GPR176: variants seen among roughly 807,000 people sequenced by gnomAD.
The protein encoded by GPR176 is G protein-coupled receptor 176.
In GPR176, 26 loss-of-function variants were observed where a neutral mutation model predicts 35.4. The ratio of observed to expected loss-of-function variants is 0.74; its 90% CI spans 0.54 to 1.02. The LOEUF (loss-of-function observed/expected upper bound fraction) is 1.02, where lower values mean the gene tolerates loss of function less well. GPR176 is among the 50% of genes least tolerant of loss of function. The pLI is 0.00. For synonymous variants in GPR176, 278 were observed against 271.3 expected (o/e 1.02, Z -0.24); for missense variants, 597 against 665.3 (o/e 0.90, Z 1.13).
rs531571675 is a variant in GPR176, at chr15:39,875,561, G to A, written c.172+44294C>T. Among the ~76,000 whole-genome samples the A allele has an allele frequency of 1.2e-4, 18 of 152,034 alleles. No homozygotes were observed. In the South Asian group the frequency reaches 2.1e-3, roughly 18 times the overall value. ...CAATGCTATCTATTCATAGACAATC[G>A]GCAGTATTAGGAAGCCCACTGGATC... On this transcript the variant is annotated intron_variant, in intron 1 of 2. Coordinates refer to ENST00000561100, the MANE Select transcript of GPR176 (RefSeq NM_007223.3).
chr15:39,874,269 A>G (rs954732501), intron 1 of GPR176, among the ~76,000 whole-genome samples: 5 of 152,128 alleles, frequency 3.3e-5, no homozygotes, highest in Non-Finnish European at 5.9e-5. Context: ...AGAGTTGACA[A>G]CCCCTCAGGG....
At chr15:39,905,889 G>GTCCTGGTTGTTGTATTGTA (rs1160611001) in intron 1 of GPR176, among the ~76,000 whole-genome samples, 1 of 152,124 alleles carries the variant, frequency 6.6e-6, no homozygotes, top group Non-Finnish European at 1.5e-5. Flanking sequence ...CGAGGGCAAT[G>GTCCTGGTTGTTGTATTGTA]TCCTGGTTGT....
Position 39,828,656 on chromosome 15 carries a change from T to G in GPR176, c.173-21398A>C, listed in dbSNP as rs1268228113. On this transcript the variant is annotated intron_variant, in intron 1 of 2. Coordinates refer to ENST00000561100, the MANE Select transcript of GPR176 (RefSeq NM_007223.3). ...GGAGCAGGACAAGTAATCAGAAAAGTGTGATTTTCCTCTGCTCCAATAAAA... is the reference window on the plus strand; with the variant it reads ...GGAGCAGGACAAGTAATCAGAAAAGGGTGATTTTCCTCTGCTCCAATAAAA... Among the ~76,000 whole-genome samples the G allele has an allele frequency of 4.6e-5, 7 of 152,284 alleles. No homozygotes were observed. In the South Asian group the frequency reaches 1.5e-3, roughly 32 times the overall value.
chr15:39,920,097 G>A lies in GPR176; in HGVS notation c.-71C>T, dbSNP rs891283660. On this transcript the variant is annotated 5_prime_UTR_variant, in exon 1 of 3. Coordinates refer to ENST00000561100, the MANE Select transcript of GPR176 (RefSeq NM_007223.3). ...CCGCGCGGAGCCTCTCCTCCTCCGG[G>A]TGAGGAGGGACGCGCGGGCGCCTGG... 17 of 1,070,830 alleles carry A rather than the reference G, an allele frequency of 1.6e-5. No individual in the cohort carries two copies. The highest frequency in any genetic ancestry group is 1.8e-5 in the Non-Finnish European group (15 of 825,672). The allele number at this position is 1,070,830 out of a possible 1,614,324, so 66.3% of individuals were successfully genotyped here. A position where few individuals can be genotyped will look rare whatever the true frequency, so the allele number is the denominator to read the frequency against.
At chr15:39,893,256 C>G (rs1007840918) in intron 1 of GPR176, among the ~76,000 whole-genome samples, 1 of 152,188 alleles carries the variant, frequency 6.6e-6, no homozygotes, top group Admixed American at 6.5e-5. Context: ...TGCAGCCTTC[C>G]GCAGTGTTTG....
At chr15:39,828,261 C>T (rs979602596) in intron 1 of GPR176, among the ~76,000 whole-genome samples, 1 of 152,132 alleles carries the variant, frequency 6.6e-6, no homozygotes, top group African/African-American at 2.4e-5. Flanking sequence ...TTAACTAGGA[C>T]AGGTAGGTGT....
At position 39,886,395 on chromosome 15, in the gene GPR176, C is replaced by T. The variant is rs11633591; in HGVS notation, c.172+33460G>A. Among the ~76,000 whole-genome samples the T allele has an allele frequency of 5.8e-3, 878 of 152,188 alleles. 2 individuals are homozygous for T. Among genetic ancestry groups the T allele is most frequent in the Non-Finnish European group, 9.5e-3 (649 of 67,992 alleles). On this transcript the variant is annotated intron_variant, in intron 1 of 2. Coordinates refer to ENST00000561100, the MANE Select transcript of GPR176 (RefSeq NM_007223.3). The stretch of plus-strand genomic sequence containing the variant: ...AGCAGCACAACCTGGGGACTTGTTC[C>T]AGCCCTGACATGCTTGCACAAGTCA...
chr15:39,889,508 T>C (rs763723485), intron 1 of GPR176, among the ~76,000 whole-genome samples: 8 of 150,598 alleles, frequency 5.3e-5, no homozygotes, highest in African/African-American at 1.5e-4. Context: ...GATTGTGCCA[T>C]TGCACTCCAG....
rs780086859 is a variant in GPR176 at position 39,801,665 on chromosome 15, G to T, written c.1015C>A (p.His339Asn). Residue 339 changes from histidine (H) to asparagine (N), a missense_variant, in exon 3 of 3, where the codon CAC becomes AAC. Physicochemically the swap from His to Asn is moderately conservative, Grantham distance 68 (BLOSUM62 1). Coordinates refer to ENST00000561100, the MANE Select transcript of GPR176 (RefSeq NM_007223.3). ...KCLIGTLVQL[H>N]HRYSRRNVVS... ...ACATTACGGCGACTGTACCGGTGGT[G>T]TAGTTGCACCAGGGTCCCTATCAAG... is the stretch of plus-strand genomic sequence containing the variant. The T allele has an allele frequency of 1.2e-6, 2 of 1,613,504 alleles. No individual in the cohort carries two copies. The highest frequency in any genetic ancestry group is 1.7e-6 in the Non-Finnish European group (2 of 1,179,602).
At chr15:39,836,061 C>T (rs1486694014) in intron 1 of GPR176, among the ~76,000 whole-genome samples, 1 of 152,214 alleles carries the variant, frequency 6.6e-6, no homozygotes, top group Non-Finnish European at 1.5e-5. Flanking sequence ...TGCCACTGCA[C>T]TCTAGCCTGG....
intron 1 of GPR176, among the ~76,000 whole-genome samples, chr15:39,810,721 G>C (rs908980217): frequency 6.6e-6 from 1 of 152,176 alleles, no homozygotes; most frequent in African/African-American, 2.4e-5. Context: ...ATGCAAAGTG[G>C]AGGTGATATA....
intron 1 of GPR176, among the ~76,000 whole-genome samples, chr15:39,900,825 TG>T (rs2033255742): frequency 6.6e-6 from 1 of 152,180 alleles, no homozygotes; most frequent in Admixed American, 6.5e-5. Context: ...TCTATCTTAG[TG>T]AAAGTTTTGT....
chr15:39,913,907 A>G (rs1389021345), intron 1 of GPR176, among the ~76,000 whole-genome samples: 8 of 152,160 alleles, frequency 5.3e-5, no homozygotes, highest in Non-Finnish European at 8.8e-5. Flanking sequence ...TTAGCCGGGC[A>G]TGGTGGTGGG....
chr15:39,868,666 G>A (rs1489175945), intron 1 of GPR176, among the ~76,000 whole-genome samples: 1 of 152,156 alleles, frequency 6.6e-6, no homozygotes, highest in African/African-American at 2.4e-5. Context: ...TCAGGATAAA[G>A]GCTTTAAGAG....
intron 1 of GPR176, among the ~76,000 whole-genome samples, chr15:39,818,185 G>A (rs546614011): frequency 1.3e-5 from 2 of 152,304 alleles, no homozygotes; most frequent in South Asian, 4.1e-4. Context: ...AGAAGTGTCA[G>A]TTTGCTGTAA....
intron 1 of GPR176, among the ~76,000 whole-genome samples, chr15:39,857,772 T>C (rs1190314695): frequency 6.6e-6 from 1 of 151,630 alleles, no homozygotes; most frequent in Non-Finnish European, 1.5e-5. Context: ...ATCAAGACCA[T>C]CCTGCCTAAC....
chr15:39,919,368 C>T (rs978324893), intron 1 of GPR176, among the ~76,000 whole-genome samples: 18 of 151,916 alleles, frequency 1.2e-4, no homozygotes, highest in Non-Finnish European at 2.4e-4. Context: ...CGAAGAAGCA[C>T]GCAGTAAAAC....
At chr15:39,829,152 T>G (rs1900892756) in intron 1 of GPR176, 3 of 1,527,192 alleles carry the variant, frequency 2.0e-6, no homozygotes, top group African/African-American at 1.4e-5. Context: ...GAGCCTGGGA[T>G]GTGATCACTA....
rs140419175 is a variant in GPR176, at chr15:39,802,242, G to A, written c.438C>T (p.Val146=). 2,566 of 1,606,174 alleles carry A rather than the reference G, an allele frequency of 1.6e-3. 12 individuals are homozygous for A. The highest frequency in any genetic ancestry group is 1.3e-3 in the Non-Finnish European group (1,567 of 1,175,176). Residue 146 remains valine, a synonymous_variant, in exon 3 of 3, where the codon GTC becomes GTT. Transcript: ENST00000561100. Reference sequence around the variant, plus strand: ...ATATTTTCCTCTCCAGTGGATAGAGGACTGAGTAGTACCTGCAAGATACAC... The same window carrying A: ...ATATTTTCCTCTCCAGTGGATAGAGAACTGAGTAGTACCTGCAAGATACAC... ...PAIALDRYYS[V]LYPLERKISD...
Sources: allele counts gnomAD v4.1 joint callset (sites outside exome capture counted in the v4.1 genomes callset), GRCh38; gene constraint gnomAD v4.1.1; transcripts MANE v1.5; gene names NCBI Gene and HGNC (gene_info 2026-07-23, HGNC 2026-07-21).